The following GNG2 variants were observed in gnomAD, a reference collection of about 807,000 sequenced individuals.
GNG2 encodes guanine nucleotide-binding protein G(I)/G(S)/G(O) subunit gamma-2.
Under a neutral mutation model 5.5 loss-of-function variants are expected in GNG2, and 5 were observed. The observed-to-expected ratio is 0.91, with a 90% confidence interval of 0.48 to 1.92. The LOEUF is 1.92. Among genes scored for constraint, GNG2 ranks in the 30% most tolerant of loss-of-function variants. The probability of loss-of-function intolerance (pLI) is 0.01; values close to 1 mark genes in which losing one functional copy is unlikely to be tolerated. For synonymous variants in GNG2, 28 were observed against 32.0 expected, an observed-to-expected ratio of 0.88 and a Z score of 0.42; for missense variants, 55 against 88.4, an observed-to-expected ratio of 0.62 and a Z score of 1.52.
chr14:51,929,320 T>C (rs942032346), intron 2 of GNG2, among the ~76,000 whole-genome samples: 2 of 152,188 alleles, frequency 1.3e-5, no homozygotes, highest in African/African-American at 4.8e-5. Flanking sequence ...CCCATTCCTA[T>C]CTACCCCCGA....
At chr14:51,875,345 A>T (rs1050383750) in intron 1 of GNG2, among the ~76,000 whole-genome samples, 1 of 152,172 alleles carries the variant, frequency 6.6e-6, no homozygotes, top group African/African-American at 2.4e-5. Flanking sequence ...TACACATACC[A>T]CTTTTGATGC....
intron 2 of GNG2, among the ~76,000 whole-genome samples, chr14:51,880,713 A>C (rs1315602794): frequency 2.0e-5 from 3 of 152,182 alleles, no homozygotes; most frequent in Non-Finnish European, 2.9e-5. Context: ...CTGGGACATA[A>C]GACTATCGGT....
chr14:51,919,072 G>A (rs1387692725), intron 2 of GNG2, among the ~76,000 whole-genome samples: 1 of 152,036 alleles, frequency 6.6e-6, no homozygotes, highest in African/African-American at 2.4e-5. Flanking sequence ...TGATCTGCCC[G>A]CCTCAGCCTC....
intron 2 of GNG2, among the ~76,000 whole-genome samples, chr14:51,930,119 G>T (rs1051590364): frequency 6.6e-6 from 1 of 152,222 alleles, no homozygotes; most frequent in Non-Finnish European, 1.5e-5. Context: ...CCCTAAGCAG[G>T]CATGAGCTGG....
chr14:51,917,636 T>A (rs1350399584), intron 2 of GNG2, among the ~76,000 whole-genome samples: 5 of 152,370 alleles, frequency 3.3e-5, no homozygotes, highest in Admixed American at 6.5e-5. Context: ...GACTTTTTTT[T>A]AATCATTCCT....
intron 2 of GNG2, among the ~76,000 whole-genome samples, chr14:51,828,817 C>T (rs939804881): frequency 2.4e-4 from 36 of 152,162 alleles, no homozygotes; most frequent in African/African-American, 8.2e-4. Flanking sequence ...GCCCTGCCCT[C>T]ACCCTTCAGG....
chr14:51,830,556 T>C (rs1211544396), intron 2 of GNG2, among the ~76,000 whole-genome samples: 1 of 152,224 alleles, frequency 6.6e-6, no homozygotes, highest in Non-Finnish European at 1.5e-5. Context: ...AAAAATGCTC[T>C]ATATCCTTCT....
chr14:51,896,806 G>C (rs1345306252), intron 2 of GNG2, among the ~76,000 whole-genome samples: 2 of 152,124 alleles, frequency 1.3e-5, no homozygotes, highest in African/African-American at 4.8e-5. Context: ...ACTTTAAAAT[G>C]CCACATAAAA....
At chr14:51,937,212 A>T (rs1409540241) in intron 2 of GNG2, among the ~76,000 whole-genome samples, 1 of 152,262 alleles carries the variant, frequency 6.6e-6, no homozygotes, top group Admixed American at 6.5e-5. Flanking sequence ...AAGACTAAAA[A>T]GTGGCTCTGT....
At chr14:51,853,887 CT>C (rs1047131315) in intron 2 of GNG2, among the ~76,000 whole-genome samples, 16 of 143,532 alleles carry the variant, frequency 1.1e-4, no homozygotes, top group Non-Finnish European at 2.1e-4. Context: ...CCCTGAATTT[CT>C]TTTTTTTTTC....
chr14:51,955,485 C>T (rs543121794), intron 3 of GNG2, among the ~76,000 whole-genome samples: 22 of 152,268 alleles, frequency 1.4e-4, no homozygotes, highest in Admixed American at 7.8e-4. Flanking sequence ...ATGTTGTCTA[C>T]TTGTTTGCAT....
chr14:51,872,828 A>T (rs1467558591), intron 1 of GNG2, among the ~76,000 whole-genome samples: 2 of 152,188 alleles, frequency 1.3e-5, no homozygotes, highest in Admixed American at 1.3e-4. Context: ...TTAAAAATAG[A>T]TGCTGTTGTT....
At chr14:51,833,421 G>A (rs1881249356) in intron 2 of GNG2, among the ~76,000 whole-genome samples, 4 of 152,068 alleles carry the variant, frequency 2.6e-5, no homozygotes, top group Admixed American at 2.6e-4. Flanking sequence ...AGTTCATCTA[G>A]TTCTTGGCAA....
intron 2 of GNG2, among the ~76,000 whole-genome samples, chr14:51,921,780 C>A (rs910586974): frequency 7.9e-5 from 12 of 152,040 alleles, no homozygotes; most frequent in African/African-American, 2.9e-4. Flanking sequence ...CAACATGAGA[C>A]CTCATAAATT....
chr14:51,966,748 T>C lies in GNG2; in HGVS notation c.*61T>C, dbSNP rs1254374200. Reference sequence around the variant, plus strand: ...TGGGACATTGATGTAGAGTTTTTAGTGAAGTGGGCACCTTTCTAGTCCACG... The same window carrying C: ...TGGGACATTGATGTAGAGTTTTTAGCGAAGTGGGCACCTTTCTAGTCCACG... On this transcript the variant is annotated 3_prime_UTR_variant, in exon 4 of 4. Coordinates refer to ENST00000556766, the MANE Select transcript of GNG2 (RefSeq NM_053064.5). 2 of 1,444,358 alleles carry C rather than the reference T, an allele frequency of 1.4e-6. No individual in the cohort carries two copies. The highest frequency in any genetic ancestry group is 9.7e-7 in the Non-Finnish European group (1 of 1,026,994). The allele number at this position is 1,444,358 out of a possible 1,614,324, so 89.5% of individuals were successfully genotyped here.
chr14:51,942,585 C>CTTTCTTTCTTTCTTTCTTTT (rs1555356832), intron 2 of GNG2, among the ~76,000 whole-genome samples: 1 of 61,610 alleles, frequency 1.6e-5, no homozygotes, highest in Admixed American at 1.6e-4. Flanking sequence ...TTCTTTCTTT[C>CTTTCTTTCTTTCTTTCTTTT]TTTCTTTTTT....
At chr14:51,853,110 A>T (rs760608786) in intron 2 of GNG2, among the ~76,000 whole-genome samples, 6 of 152,162 alleles carry the variant, frequency 3.9e-5, no homozygotes, top group Non-Finnish European at 7.3e-5. Flanking sequence ...TTAAATTTTT[A>T]GCTGATTTTA....
intron 2 of GNG2, among the ~76,000 whole-genome samples, chr14:51,923,301 T>C (rs946028655): frequency 4.6e-5 from 7 of 152,102 alleles, no homozygotes; most frequent in African/African-American, 1.4e-4. Flanking sequence ...TAGAATTACA[T>C]AGGGATAAGC....
At chr14:51,939,487 G>A (rs1888194348) in intron 2 of GNG2, among the ~76,000 whole-genome samples, 1 of 152,198 alleles carries the variant, frequency 6.6e-6, no homozygotes, top group Admixed American at 6.5e-5. Context: ...GATGGCTTCT[G>A]GCACCTGCGT....
Sources: gnomAD v4.1 joint callset for allele counts (sites outside exome capture counted in the v4.1 genomes callset) on GRCh38, gnomAD v4.1.1 for gene constraint, MANE v1.5 for transcripts, NCBI Gene and HGNC (gene_info 2026-07-23, HGNC 2026-07-21) for gene names.